PDXDC1: variants seen among roughly 807,000 people sequenced by gnomAD.
The protein encoded by PDXDC1 is pyridoxal-dependent decarboxylase domain-containing protein 1.
A neutral mutation model predicts 100.1 loss-of-function variants in PDXDC1; 42 were observed. The ratio of observed to expected loss-of-function variants is 0.42; its 90% CI spans 0.33 to 0.54. PDXDC1 has a LOEUF of 0.54. Among genes scored for constraint, PDXDC1 ranks in the 20% least tolerant of loss-of-function variants. The pLI is 0.10. For synonymous variants in PDXDC1, 260 were observed against 371.7 expected, an observed-to-expected ratio of 0.70 and a Z score of 3.46; for missense variants, 636 against 979.2, an observed-to-expected ratio of 0.65 and a Z score of 4.68.
chr16:15,063,373 C>G (rs2044801106), intron 16 of PDXDC1: 3 of 966,436 alleles, frequency 3.1e-6, no homozygotes, highest in Middle Eastern at 4.2e-4. Flanking sequence ...GATCTATTAC[C>G]CAAAACCAAG....
At chr16:14,978,267 C>A (rs1173475845) in intron 1 of PDXDC1, among the ~76,000 whole-genome samples, 2 of 152,266 alleles carry the variant, frequency 1.3e-5, no homozygotes, top group African/African-American at 4.8e-5. Flanking sequence ...GGAACAAGGC[C>A]CTGTAGCAGA....
At chr16:15,089,565 C>A (rs1363829934) in intron 16 of PDXDC1, among the ~76,000 whole-genome samples, 5 of 152,026 alleles carry the variant, frequency 3.3e-5, no homozygotes, top group African/African-American at 1.2e-4. Context: ...CTTTGGGAGG[C>A]CAAGGCGGGC....
intron 16 of PDXDC1, among the ~76,000 whole-genome samples, chr16:15,073,581 C>A (rs78045420): frequency 1.3e-5 from 2 of 152,316 alleles, no homozygotes; most frequent in East Asian, 3.9e-4. Context: ...AGGCCCTCAC[C>A]TCACACACTG....
downstream of PDXDC1, among the ~76,000 whole-genome samples, chr16:15,043,133 C>G (rs2043897548): frequency 6.6e-6 from 1 of 152,096 alleles, no homozygotes; most frequent in South Asian, 2.1e-4. Flanking sequence ...CTTCTGACCT[C>G]AAGTGATCGG....
chr16:15,074,937 T>C, intron 16 of PDXDC1: 3 of 1,378,060 alleles, frequency 2.2e-6, no homozygotes, highest in Non-Finnish European at 3.0e-6. Flanking sequence ...CTGTCATAAG[T>C]GATTATTTCC....
At chr16:15,035,925 T>C in intron 22 of PDXDC1, 91 bp from the exon 23 acceptor site, 1 of 1,341,918 alleles carries the variant, frequency 7.5e-7, no homozygotes, top group South Asian at 1.4e-5. Context: ...AGCTGTGTTG[T>C]GAAATAAAGC....
intron 16 of PDXDC1, among the ~76,000 whole-genome samples, chr16:15,067,130 C>G (rs1401709296): frequency 6.6e-6 from 1 of 150,638 alleles, no homozygotes; most frequent in Non-Finnish European, 1.5e-5. Context: ...CACTGAGACT[C>G]AGAAGAGAGG....
At chr16:14,992,620 T>C (rs991256030) in intron 1 of PDXDC1, among the ~76,000 whole-genome samples, 4 of 152,300 alleles carry the variant, frequency 2.6e-5, no homozygotes, top group African/African-American at 9.6e-5. Flanking sequence ...TTTTAAAATT[T>C]GTCTATTTTA....
intron 16 of PDXDC1, chr16:15,127,973 A>T (rs1438387296): frequency 6.4e-7 from 1 of 1,566,100 alleles, no homozygotes; most frequent in African/African-American, 1.4e-5. Context: ...CGGAGTGGGA[A>T]CATGGAACGA....
At chr16:15,128,202 T>C (rs1419962488) in intron 16 of PDXDC1, 20 of 1,611,002 alleles carry the variant, frequency 1.2e-5, no homozygotes, top group Non-Finnish European at 1.7e-5. Flanking sequence ...GGGGCAGAGC[T>C]TGGCAGGGTC....
rs1378454819 is a variant in PDXDC1, at chr16:15,007,203, C to G, written c.579+620C>G. Among the ~76,000 whole-genome samples the G allele has an allele frequency of 3.5e-5, 4 of 114,154 alleles. No individual in the cohort carries two copies. In the Admixed American group the frequency reaches 5.3e-4, roughly 15 times the overall value. The allele number at this position is 114,154 out of a possible 152,430, so 74.9% of individuals were successfully genotyped here. A position where few individuals can be genotyped will look rare whatever the true frequency, so the allele number is the denominator to read the frequency against. On this transcript the variant is annotated intron_variant, in intron 6 of 22. Coordinates refer to ENST00000396410, the MANE Select transcript of PDXDC1 (RefSeq NM_015027.4). Reference sequence around the variant, plus strand: ...TTTTTTTTTTTGAGACAGAGTCTTGCTCTGTCGCCCAGGCCGGAGTGCAGT... The same window carrying G: ...TTTTTTTTTTTGAGACAGAGTCTTGGTCTGTCGCCCAGGCCGGAGTGCAGT...
chr16:14,977,270 T>G (rs5816117), intron 1 of PDXDC1, among the ~76,000 whole-genome samples: 2 of 7,002 alleles, frequency 2.9e-4, no homozygotes, highest in African/African-American at 6.9e-4. Context: ...TGGGACTTAC[T>G]TTTTTTTTTT....
At chr16:15,042,181 A>T (rs1405259629), downstream of PDXDC1, among the ~76,000 whole-genome samples, 1 of 143,786 alleles carries the variant, frequency 7.0e-6, no homozygotes, top group Admixed American at 7.6e-5. Flanking sequence ...AGACAATTTT[A>T]TATCTTTTTT....
chr16:15,083,517 G>A, intron 16 of PDXDC1: 2 of 1,609,256 alleles, frequency 1.2e-6, no homozygotes, highest in Non-Finnish European at 8.5e-7. Flanking sequence ...TCTTACCAGT[G>A]TTCTCTCTGA....
At position 15,008,813 on chromosome 16, in the gene PDXDC1, C is replaced by A. The variant is rs150502355; in HGVS notation, c.614C>A (p.Pro205His). 824 of 1,613,430 alleles carry A rather than the reference C, an allele frequency of 5.1e-4. No homozygotes were observed. The African/African-American group carries it at 0.01, about 20-fold the overall frequency. Residue 205 changes from proline to histidine, a missense_variant, in exon 7 of 23, where the codon CCC becomes CAC. By Grantham distance (77) the Pro-to-His change is moderately conservative (BLOSUM62 -2). This residue lies in a region of PDXDC1 where 125 missense variants were observed against 479.9 expected (regional missense o/e 0.26). Transcript: ENST00000396410. ...GLPFPCLCRV[P>H]CNTVFGSQHQ... ...CCCTTCCCCTGCTTGTGCCGTGTACCCTGTAACACTGTGTTTGGATCCCAG... is the reference window on the plus strand; with the variant it reads ...CCCTTCCCCTGCTTGTGCCGTGTACACTGTAACACTGTGTTTGGATCCCAG...
chr16:15,039,388 C>T (rs1050375886), downstream of PDXDC1, among the ~76,000 whole-genome samples: 5 of 152,140 alleles, frequency 3.3e-5, no homozygotes, highest in Admixed American at 6.5e-5. Flanking sequence ...ATGTGATTTC[C>T]GTTTTTTCAC....
intron 8 of PDXDC1, among the ~76,000 whole-genome samples, chr16:15,013,500 G>T (rs1217003524): frequency 6.6e-6 from 1 of 152,246 alleles, no homozygotes; most frequent in East Asian, 1.9e-4. Flanking sequence ...AATCTTGATT[G>T]TGTTGATGGT....
chr16:15,086,290 T>C, intron 16 of PDXDC1: 1 of 1,581,434 alleles, frequency 6.3e-7, no homozygotes, highest in Non-Finnish European at 8.6e-7. Flanking sequence ...AAAAGCAGCA[T>C]GTTATTAATA....
intron 19 of PDXDC1, chr16:15,034,050 TTC>T (rs1398755061): frequency 9.6e-5 from 56 of 582,620 alleles, no homozygotes; most frequent in Non-Finnish European, 1.4e-4. Context: ...ACTTTATGAC[TTC>T]TCTGTTTTCA....
Sources: allele counts gnomAD v4.1 joint callset (sites outside exome capture counted in the v4.1 genomes callset), GRCh38; gene constraint gnomAD v4.1.1; regional missense constraint gnomAD v4.1.1; transcripts MANE v1.5; gene names NCBI Gene and HGNC (gene_info 2026-07-23, HGNC 2026-07-21).